The following HPSE2 variants were observed in gnomAD, a reference collection of about 807,000 sequenced individuals.
HPSE2 encodes inactive heparanase-2.
Under a neutral mutation model 60.5 loss-of-function variants are expected in HPSE2, and 38 were observed. That is an observed-to-expected ratio of 0.63 (90% confidence interval 0.48 to 0.82). HPSE2 has a LOEUF of 0.82. Among genes scored for constraint, HPSE2 ranks in the 40% least tolerant of loss-of-function variants. The pLI is 0.00. For synonymous variants in HPSE2, 295 were observed against 293.2 expected, an observed-to-expected ratio of 1.01 and a Z score of -0.06; for missense variants, 713 against 740.4, an observed-to-expected ratio of 0.96 and a Z score of 0.43.
intron 3 of HPSE2, among the ~76,000 whole-genome samples, chr10:99,070,746 G>GAAT (rs1384446302): frequency 6.6e-6 from 1 of 152,098 alleles, no homozygotes; most frequent in Non-Finnish European, 1.5e-5. Flanking sequence ...TGTACATGTG[G>GAAT]AATAATACAG....
the HPSE2 span, among the ~76,000 whole-genome samples, chr10:99,311,151 TAA>T: frequency 6.6e-6 from 1 of 152,146 alleles, no homozygotes; most frequent in Non-Finnish European, 1.5e-5. Flanking sequence ...ATTTAAAAAA[TAA>T]AAAAGTCTTC....
intron 9 of HPSE2, among the ~76,000 whole-genome samples, chr10:98,580,124 G>A (rs1445643883): frequency 1.3e-5 from 2 of 152,190 alleles, no homozygotes; most frequent in East Asian, 3.8e-4. Context: ...GAAAGTTGAT[G>A]CCAATCTTAG....
chr10:99,052,973 G>C lies in HPSE2; in HGVS notation c.610+91265C>G, dbSNP rs182640438. ...CAAACATATAAAGAGAAATAAAGGG[G>C]ACTGGAAATGATAAATATATAGATA... On this transcript the variant is annotated intron_variant, in intron 3 of 11. Transcript: ENST00000370552. Among the ~76,000 whole-genome samples the C allele has an allele frequency of 4.8e-3, 719 of 151,032 alleles. 3 individuals carry two copies. The highest frequency in any genetic ancestry group is 7.3e-3 in the Non-Finnish European group (493 of 67,708).
chr10:99,156,947 T>A (rs2135819651), intron 2 of HPSE2, among the ~76,000 whole-genome samples: 1 of 134,968 alleles, frequency 7.4e-6, no homozygotes, highest in South Asian at 2.8e-4. Flanking sequence ...AGCATTCTTA[T>A]ACACCAATAA....
the HPSE2 span, among the ~76,000 whole-genome samples, chr10:99,270,771 A>G: frequency 4.4e-3 from 664 of 152,348 alleles, 4 homozygotes; most frequent in African/African-American, 0.015. Context: ...ACAGTGTATC[A>G]AAAAGATAAT....
intron 3 of HPSE2, among the ~76,000 whole-genome samples, chr10:98,968,645 C>A (rs1172610582): frequency 1.3e-5 from 2 of 152,078 alleles, no homozygotes; most frequent in African/African-American, 2.4e-5. Flanking sequence ...TATATATACA[C>A]CATGGAATGC....
At chr10:98,794,819 G>A (rs1950737267) in intron 3 of HPSE2, among the ~76,000 whole-genome samples, 1 of 152,046 alleles carries the variant, frequency 6.6e-6, no homozygotes, top group African/African-American at 2.4e-5. Flanking sequence ...TTGCTAGGAG[G>A]AGATCAATGT....
chr10:98,717,256 C>T (rs1948813825), intron 5 of HPSE2, among the ~76,000 whole-genome samples: 1 of 152,090 alleles, frequency 6.6e-6, no homozygotes, highest in African/African-American at 2.4e-5. Context: ...CTGGTTTGAT[C>T]TTCTATCTAG....
chr10:98,853,608 C>A (rs561476051), intron 3 of HPSE2, among the ~76,000 whole-genome samples: 1 of 152,112 alleles, frequency 6.6e-6, no homozygotes, highest in East Asian at 1.9e-4. Context: ...AATAAAATGG[C>A]CAAGAAAATG....
chr10:99,145,947 T>C (rs533673275), intron 2 of HPSE2, among the ~76,000 whole-genome samples: 1 of 152,294 alleles, frequency 6.6e-6, no homozygotes, highest in South Asian at 2.1e-4. Context: ...AATTCTTAGA[T>C]TAAAACAGGA....
chr10:98,628,044 C>T (rs780076337), intron 7 of HPSE2, among the ~76,000 whole-genome samples: 1 of 152,276 alleles, frequency 6.6e-6, no homozygotes, highest in Non-Finnish European at 1.5e-5. Context: ...AACTTTGATA[C>T]AAAAACTAAA....
chr10:98,558,029 A>G (rs1944063533), intron 9 of HPSE2, among the ~76,000 whole-genome samples: 1 of 152,240 alleles, frequency 6.6e-6, no homozygotes, highest in Non-Finnish European at 1.5e-5. Context: ...AATGGCCAAT[A>G]AATATAGGAA....
At chr10:98,613,705 A>C (rs1222344409) in intron 9 of HPSE2, among the ~76,000 whole-genome samples, 1 of 152,354 alleles carries the variant, frequency 6.6e-6, no homozygotes, top group African/African-American at 2.4e-5. Flanking sequence ...ACCAAGGCAC[A>C]GGAACAGGTT....
intron 3 of HPSE2, among the ~76,000 whole-genome samples, chr10:98,928,797 A>G (rs1282192556): frequency 8.9e-6 from 1 of 112,740 alleles, no homozygotes; most frequent in African/African-American, 4.1e-5. Flanking sequence ...ATGAGAACAC[A>G]TGGACTCAGG....
the HPSE2 span, among the ~76,000 whole-genome samples, chr10:99,255,479 T>A: frequency 0.49 from 75,015 of 151,804 alleles, 21,711 homozygotes; most frequent in Non-Finnish European, 0.64. Flanking sequence ...TATCCAGGAA[T>A]ATAAGGTTGT....
intron 3 of HPSE2, among the ~76,000 whole-genome samples, chr10:99,103,367 T>TGAA (rs1371669346): frequency 6.6e-6 from 1 of 151,904 alleles, no homozygotes; most frequent in Admixed American, 6.6e-5. Context: ...ACATCATCAG[T>TGAA]GAACTCCCAT....
At chr10:98,896,021 CACATGTAT>C (rs982228900) in intron 3 of HPSE2, among the ~76,000 whole-genome samples, 6 of 150,786 alleles carry the variant, frequency 4.0e-5, no homozygotes, top group African/African-American at 1.5e-4. Context: ...ACCAGCATGG[CACATGTAT>C]ACATATGTAA....
chr10:98,777,483 A>G (rs1027546960), intron 3 of HPSE2, among the ~76,000 whole-genome samples: 6 of 152,234 alleles, frequency 3.9e-5, no homozygotes, highest in African/African-American at 1.4e-4. Context: ...ATTGAATTCC[A>G]TACTAGAGTT....
intron 3 of HPSE2, among the ~76,000 whole-genome samples, chr10:99,107,244 A>T (rs996111248): frequency 1.3e-5 from 2 of 152,186 alleles, no homozygotes; most frequent in Non-Finnish European, 2.9e-5. Flanking sequence ...TATTAATCTG[A>T]TAATAGTTTA....
Sources: allele counts gnomAD v4.1 joint callset (sites outside exome capture counted in the v4.1 genomes callset), GRCh38; gene constraint gnomAD v4.1.1; transcripts MANE v1.5; gene names NCBI Gene and HGNC (gene_info 2026-07-23, HGNC 2026-07-21).